The following AXIN2 variants were observed in gnomAD, a reference collection of about 807,000 sequenced individuals.
AXIN2 encodes the protein axin 2, also known as axin-2.
In AXIN2, 21 loss-of-function variants were observed where a neutral mutation model predicts 74.7. The ratio of observed to expected loss-of-function variants is 0.28; its 90% confidence interval spans 0.20 to 0.40. The LOEUF (loss-of-function observed/expected upper bound fraction) is 0.40, where lower values mean the gene tolerates loss of function less well. Among genes scored for constraint, AXIN2 ranks in the 10% least tolerant of loss-of-function variants. The pLI is 1.00. For synonymous variants in AXIN2, 532 were observed against 454.9 expected, an observed-to-expected ratio of 1.17 and a Z score of -2.16; for missense variants, 1,144 against 1,111.1, an observed-to-expected ratio of 1.03 and a Z score of -0.42.
intron 2 of AXIN2, among the ~76,000 whole-genome samples, chr17:65,555,538 TTACTAA>T (rs2044254766): frequency 6.6e-6 from 1 of 152,188 alleles, no homozygotes; most frequent in African/African-American, 2.4e-5. Flanking sequence ...TACATCATCA[TTACTAA>T]TTATACTAAT....
chr17:65,529,849 T>C lies in AXIN2; in HGVS notation c.*127A>G. On this transcript the variant is annotated 3_prime_UTR_variant, in exon 11 of 11. Coordinates refer to ENST00000307078, the MANE Select transcript of AXIN2 (RefSeq NM_004655.4). ...CTCCCGAAGGCCCACTGGCCGATTC[T>C]TCCTTAGACTTTGTCTTCTTCATTG... The C allele has an allele frequency of 6.5e-7, 1 of 1,546,036 alleles. No individual in the cohort carries two copies. The highest frequency in any genetic ancestry group is 1.4e-5 in the African/African-American group (1 of 73,580).
intron 10 of AXIN2, 39 bp from the exon 11 acceptor site, chr17:65,530,141 A>G (rs2043792484): frequency 1.2e-6 from 2 of 1,612,546 alleles, no homozygotes; most frequent in African/African-American, 2.7e-5. Flanking sequence ...GGTAAACTGC[A>G]TTTTCCACAT....
chr17:65,545,636 C>T (rs1385388405), intron 3 of AXIN2, among the ~76,000 whole-genome samples: 3 of 152,096 alleles, frequency 2.0e-5, no homozygotes, highest in Admixed American at 6.5e-5. Flanking sequence ...AGCCTGGCAA[C>T]AGAGTGAGAC....
Position 65,537,852 on chromosome 17 carries a change from C to T in AXIN2, c.1201-17G>A, listed in dbSNP as rs2144469132. 1 of 1,533,070 alleles carries T rather than the reference C, an allele frequency of 6.5e-7. No homozygotes were observed. Among genetic ancestry groups the T allele is most frequent in the Non-Finnish European group, 8.8e-7 (1 of 1,140,124 alleles). 95.0% of individuals were successfully genotyped at this position (1,533,070 alleles called of 1,614,324 possible). A position where few individuals can be genotyped will look rare whatever the true frequency, so the allele number is the denominator to read the frequency against. On this transcript the variant is annotated splice_polypyrimidine_tract_variant and intron_variant, in intron 5 of 10. Transcript: ENST00000307078. ...CTCTTCATCCTGAAAGGGAAGACGTCAGAAGGAGAAGTGACCCAGGAAGCA... is the reference window on the plus strand; with the variant it reads ...CTCTTCATCCTGAAAGGGAAGACGTTAGAAGGAGAAGTGACCCAGGAAGCA...
At chr17:65,546,233 TC>T (rs1275164845) in intron 3 of AXIN2, among the ~76,000 whole-genome samples, 1 of 152,050 alleles carries the variant, frequency 6.6e-6, no homozygotes, top group Non-Finnish European at 1.5e-5. Flanking sequence ...TACCCTCTTA[TC>T]CCCTCTAAGC....
At chr17:65,546,196 G>T (rs2044116277) in intron 3 of AXIN2, among the ~76,000 whole-genome samples, 1 of 152,006 alleles carries the variant, frequency 6.6e-6, no homozygotes. Context: ...CTATTCACTT[G>T]TTCAAGGAAA....
rs2043774176 is a variant in AXIN2 at position 65,529,063 on chromosome 17, A to G, written c.*913T>C. The G allele has an allele frequency of 4.2e-6, 1 of 235,738 alleles. No homozygotes were observed. The highest frequency in any genetic ancestry group is 5.6e-5 in the Admixed American group (1 of 17,878). The allele number at this position is 235,738 out of a possible 1,614,324, so 14.6% of individuals were successfully genotyped here. ...GGTAGTTCCTGAATGGCTGTGGTCC[A>G]ATGACTAATGTAAAACAAAAACAGA... On this transcript the variant is annotated 3_prime_UTR_variant, in exon 11 of 11. Transcript: ENST00000307078.
Position 65,530,030 on chromosome 17 carries a change from C to A in AXIN2, c.2478G>T (p.Thr826=), listed in dbSNP as rs148159432. 19 of 1,614,208 alleles carry A rather than the reference C, an allele frequency of 1.2e-5. No homozygotes were observed. In the African/African-American group the frequency reaches 2.0e-4, roughly 17 times the overall value. The change falls in exon 11 of 11, where the codon ACG becomes ACT. Residue 826 remains threonine, a synonymous_variant. Coordinates refer to ENST00000307078, the MANE Select transcript of AXIN2 (RefSeq NM_004655.4). ...TCCGGCCTTCATACATCGGGAGCAC[C>A]GTCTCATCCTCCCAGATCTCCTCAA... ...AVFEEIWEDE[T]VLPMYEGRIL... is the part of the protein sequence containing the mutation.
rs548471036 is a variant in AXIN2 at position 65,532,667 on chromosome 17, AG to A, written c.2405+1244del. ...CTATACAAGGCCTGCTCTAGAGGGG[AG>A]GGTGTCTCAGAGCCCTGCAGGTGGA... On this transcript the variant is annotated intron_variant, in intron 10 of 10. Coordinates refer to ENST00000307078, the MANE Select transcript of AXIN2 (RefSeq NM_004655.4). Among the ~76,000 whole-genome samples, 74 of 152,310 alleles carry A rather than the reference AG, an allele frequency of 4.9e-4. 2 individuals are homozygous for A. The East Asian group carries it at 0.014, about 29-fold the overall frequency.
intron 3 of AXIN2, among the ~76,000 whole-genome samples, chr17:65,544,461 A>T (rs907123642): frequency 2.7e-5 from 4 of 150,816 alleles, no homozygotes; most frequent in African/African-American, 4.9e-5. Context: ...TTGTAACCAG[A>T]GCAGAAAAGG....
chr17:65,560,711 C>A (rs958448070), intron 1 of AXIN2: 2 of 151,860 alleles, frequency 1.3e-5, no homozygotes, highest in Non-Finnish European at 2.9e-5. Flanking sequence ...GTCCGCCGCT[C>A]CCCTCCGCGC....
In AXIN2 at chr17:65,548,340, T is replaced by C. The variant is rs139290173; in HGVS notation, c.956+1180A>G. Among the ~76,000 whole-genome samples the C allele has an allele frequency of 3.5e-3, 533 of 152,302 alleles. 5 individuals carry two copies. The highest frequency in any genetic ancestry group is 0.012 in the African/African-American group (515 of 41,540). On this transcript the variant is annotated intron_variant, in intron 3 of 10. Coordinates refer to ENST00000307078, the MANE Select transcript of AXIN2 (RefSeq NM_004655.4). The stretch of plus-strand genomic sequence containing the variant: ...TCAACTTTCCCTCCAACTGGTCCCA[T>C]GCCACAGGCCAGGCAACAGGACATT...
intron 3 of AXIN2, among the ~76,000 whole-genome samples, chr17:65,545,097 T>C (rs2044099478): frequency 6.6e-6 from 1 of 152,160 alleles, no homozygotes; most frequent in East Asian, 1.9e-4. Flanking sequence ...CAAAAAATCA[T>C]CTTGTGCTGA....
At chr17:65,534,758 G>A (rs1272517223) in intron 9 of AXIN2, among the ~76,000 whole-genome samples, 4 of 152,140 alleles carry the variant, frequency 2.6e-5, no homozygotes, top group African/African-American at 7.2e-5. Flanking sequence ...GCGAAACCCT[G>A]TCTCTACTAA....
rs180808265 is a variant in AXIN2, at chr17:65,541,309, T to A, written c.1059+146A>T. ...AACCATGTAATGCCTATTGTCCAGT[T>A]CTTTTCTCTCCCTTTGCCCTAGGGG... On this transcript the variant is annotated intron_variant, in intron 4 of 10. Transcript: ENST00000307078. 1.7e-5 allele frequency: 13 copies of A among 749,774 alleles called. No homozygotes were observed. In the East Asian group the frequency reaches 3.4e-4, roughly 20 times the overall value. 46.4% of individuals were successfully genotyped at this position (749,774 alleles called of 1,614,324 possible). A position where few individuals can be genotyped will look rare whatever the true frequency, so the allele number is the denominator to read the frequency against.
intron 3 of AXIN2, 70 bp downstream of exon 3, chr17:65,549,450 G>A (rs199599684): frequency 1.4e-5 from 22 of 1,596,452 alleles, no homozygotes; most frequent in African/African-American, 9.4e-5. Context: ...GATGACAGAC[G>A]ATTCTGGCTA....
rs570443161 is a variant in AXIN2 at position 65,537,614 on chromosome 17, ATGG to A, written c.1419_1421del (p.His474del). On this transcript the variant is annotated inframe_deletion, in exon 6 of 11. Coordinates refer to ENST00000307078, the MANE Select transcript of AXIN2 (RefSeq NM_004655.4). ...GCGGGAGCAGGGAGTGGTACTGCGA[ATGG>A]TGGTGGTGGTGGTGGTCCGGGGAGC... 121 of 1,570,306 alleles carry A rather than the reference ATGG, an allele frequency of 7.7e-5. No individual in the cohort carries two copies. Among genetic ancestry groups the A allele is most frequent in the Admixed American group, 3.0e-4 (17 of 56,012 alleles).
intron 4 of AXIN2, 111 bp downstream of exon 4, chr17:65,541,344 A>T: frequency 1.0e-6 from 1 of 970,560 alleles, no homozygotes; most frequent in Non-Finnish European, 1.7e-6. Context: ...GACCTTAGGT[A>T]CTGCTCTTTT....
At chr17:65,559,654 T>C (rs1308033642) in intron 1 of AXIN2, among the ~76,000 whole-genome samples, 1 of 152,186 alleles carries the variant, frequency 6.6e-6, no homozygotes, top group Non-Finnish European at 1.5e-5. Context: ...CACTACTGCC[T>C]GTGCCAAGAA....
Sources: allele counts gnomAD v4.1 joint callset (sites outside exome capture counted in the v4.1 genomes callset), GRCh38; gene constraint gnomAD v4.1.1; transcripts MANE v1.5; gene names NCBI Gene and HGNC (gene_info 2026-07-23, HGNC 2026-07-21).